Variants in CEP128 observed in about 807,000 individuals in gnomAD.
CEP128 encodes centrosomal protein 128kDa.
Under a neutral mutation model 156.7 loss-of-function variants are expected in CEP128, and 132 were observed. The observed-to-expected ratio is 0.84, with a 90% CI of 0.73 to 0.97. CEP128 has a LOEUF of 0.97. CEP128 is among the 50% of genes least tolerant of loss of function. The probability of loss-of-function intolerance (pLI) is 0.00; values close to 1 mark genes in which losing one functional copy is unlikely to be tolerated. For synonymous variants in CEP128, 469 were observed against 448.9 expected (o/e 1.04, Z -0.57); for missense variants, 1,252 against 1,281.9 (o/e 0.98, Z 0.36).
intron 13 of CEP128, among the ~76,000 whole-genome samples, chr14:80,812,198 C>T (rs1421425916): frequency 6.6e-6 from 1 of 152,156 alleles, no homozygotes; most frequent in African/African-American, 2.4e-5. Context: ...TAATGGCCTC[C>T]AGTTGCTCCA....
intron 19 of CEP128, among the ~76,000 whole-genome samples, chr14:80,672,995 G>A (rs1895905144): frequency 6.6e-6 from 1 of 151,962 alleles, no homozygotes; most frequent in Non-Finnish European, 1.5e-5. Context: ...GATTTCCAAC[G>A]TTAAGGAAAG....
At chr14:80,730,158 G>A (rs993010014) in intron 19 of CEP128, among the ~76,000 whole-genome samples, 1 of 152,106 alleles carries the variant, frequency 6.6e-6, no homozygotes, top group Non-Finnish European at 1.5e-5. Flanking sequence ...ATTAATTTCT[G>A]TATTTGTTCA....
At chr14:80,487,948 A>G (rs1887206396), downstream of CEP128, among the ~76,000 whole-genome samples, 1 of 151,590 alleles carries the variant, frequency 6.6e-6, no homozygotes, top group Non-Finnish European at 1.5e-5. Context: ...TTGACACCCT[A>G]ATGTCACAAT....
chr14:80,631,425 G>A (rs1281177734), intron 19 of CEP128, among the ~76,000 whole-genome samples: 1 of 151,924 alleles, frequency 6.6e-6, no homozygotes. Flanking sequence ...TAAAATGACT[G>A]GTCTAAAGAA....
intron 19 of CEP128, among the ~76,000 whole-genome samples, chr14:80,586,084 A>G (rs1182867949): frequency 6.6e-6 from 1 of 152,108 alleles, no homozygotes; most frequent in African/African-American, 2.4e-5. Flanking sequence ...ACAAGAGAAC[A>G]CAGAAATAAT....
chr14:80,540,181 T>TA (rs901619605), intron 21 of CEP128, among the ~76,000 whole-genome samples: 3 of 147,302 alleles, frequency 2.0e-5, no homozygotes, highest in Admixed American at 6.9e-5. Context: ...TCTTTGTACC[T>TA]ACTCCCTGTT....
intron 19 of CEP128, among the ~76,000 whole-genome samples, chr14:80,680,558 C>T (rs150596782): frequency 1.3e-5 from 2 of 152,198 alleles, no homozygotes; most frequent in East Asian, 1.9e-4. Context: ...CCAGGCATTT[C>T]GAGCACCCAT....
intron 20 of CEP128, among the ~76,000 whole-genome samples, chr14:80,561,030 T>C (rs936740774): frequency 3.9e-5 from 6 of 152,190 alleles, no homozygotes; most frequent in African/African-American, 1.4e-4. Context: ...CATAGACCTA[T>C]GACACTTAGA....
intron 9 of CEP128, among the ~76,000 whole-genome samples, chr14:80,856,853 C>A (rs971181581): frequency 1.3e-5 from 2 of 149,402 alleles, no homozygotes; most frequent in Admixed American, 6.7e-5. Context: ...GCCTCAGACT[C>A]CCAGGTGGCT....
chr14:80,918,711 CAT>C (rs948348525), intron 2 of CEP128, among the ~76,000 whole-genome samples: 1 of 152,124 alleles, frequency 6.6e-6, no homozygotes, highest in African/African-American at 2.4e-5. Context: ...CCAGAGCCTA[CAT>C]GTGTGTATAA....
intron 10 of CEP128, among the ~76,000 whole-genome samples, chr14:80,838,975 C>A (rs181868535): frequency 6.6e-6 from 1 of 152,094 alleles, no homozygotes; most frequent in Non-Finnish European, 1.5e-5. Context: ...GGCAGACACC[C>A]GTAATCCCAG....
chr14:80,702,486 T>G (rs1442245708), intron 19 of CEP128, among the ~76,000 whole-genome samples: 1 of 152,152 alleles, frequency 6.6e-6, no homozygotes, highest in Non-Finnish European at 1.5e-5. Flanking sequence ...TGATGTCTAA[T>G]GAGAGTAAAA....
Position 80,745,496 on chromosome 14 carries a change from C to A in CEP128, c.2614-2229G>T, listed in dbSNP as rs938436707. On this transcript the variant is annotated intron_variant, in intron 18 of 24. Coordinates refer to ENST00000555265, the MANE Select transcript of CEP128 (RefSeq NM_152446.5). ...TATACCATATTAATACAATTAGGGA[C>A]AAACATCATATGATTATACCAAAAG... Among the ~76,000 whole-genome samples the A allele has an allele frequency of 3.2e-4, 48 of 152,198 alleles. 2 individuals are homozygous for A. The Middle Eastern group carries it at 0.01, about 32-fold the overall frequency.
At chr14:80,646,842 T>C (rs1038893729) in intron 19 of CEP128, among the ~76,000 whole-genome samples, 2 of 151,406 alleles carry the variant, frequency 1.3e-5, no homozygotes, top group Non-Finnish European at 2.9e-5. Flanking sequence ...TTCTCTACTA[T>C]GGCCAATTAT....
At chr14:80,479,756 T>A (rs957678155) in intron 14 of CEP128, among the ~76,000 whole-genome samples, 16 of 152,176 alleles carry the variant, frequency 1.1e-4, no homozygotes, top group Admixed American at 9.2e-4. Flanking sequence ...CATTTCAGCA[T>A]TAACCCAAAA....
chr14:80,905,768 AC>A (rs1224646902), intron 5 of CEP128, 186 bp downstream of exon 5: 44 of 519,754 alleles, frequency 8.5e-5, no homozygotes, highest in Middle Eastern at 5.4e-4. Context: ...AAAAAAAAAA[AC>A]AATATAACAA....
intron 19 of CEP128, among the ~76,000 whole-genome samples, chr14:80,667,058 GAT>G (rs1207077363): frequency 6.6e-6 from 1 of 152,186 alleles, no homozygotes; most frequent in Non-Finnish European, 1.5e-5. Flanking sequence ...GACCTCCAAA[GAT>G]GAGCATGGCA....
chr14:80,538,663 G>A (rs1490385167), intron 21 of CEP128, among the ~76,000 whole-genome samples: 9 of 152,158 alleles, frequency 5.9e-5, no homozygotes, highest in Non-Finnish European at 8.8e-5. Context: ...ATTAATACAC[G>A]TTCCCTCACC....
At chr14:80,635,446 T>C (rs951387997) in intron 19 of CEP128, among the ~76,000 whole-genome samples, 3 of 152,162 alleles carry the variant, frequency 2.0e-5, no homozygotes, top group African/African-American at 7.2e-5. Flanking sequence ...ACTAGGTCCT[T>C]CTAGTGTCAT....
Sources: gnomAD v4.1 joint callset for allele counts (sites outside exome capture counted in the v4.1 genomes callset) on GRCh38, gnomAD v4.1.1 for gene constraint, MANE v1.5 for transcripts, NCBI Gene and HGNC (gene_info 2026-07-23, HGNC 2026-07-21) for gene names.